KRIT1: variants seen among roughly 807,000 people sequenced by gnomAD.
The protein encoded by KRIT1 is krev interaction trapped protein 1.
In KRIT1, 45 loss-of-function variants were observed where a neutral mutation model predicts 95.8. The observed-to-expected ratio is 0.47, with a 90% CI of 0.37 to 0.60. KRIT1 has a LOEUF of 0.60. Ranked by LOEUF, KRIT1 falls within the 20% of genes least tolerant of loss-of-function variation. The probability of loss-of-function intolerance (pLI) is 0.00; values close to 1 mark genes in which losing one functional copy is unlikely to be tolerated. For synonymous variants in KRIT1, 282 were observed against 278.8 expected (o/e 1.01, Z -0.11); for missense variants, 788 against 877.5 (o/e 0.90, Z 1.29).
At chr7:92,233,125 G>A (rs1269018251) in intron 10 of KRIT1, among the ~76,000 whole-genome samples, 1 of 151,084 alleles carries the variant, frequency 6.6e-6, no homozygotes, top group Non-Finnish European at 1.5e-5. Flanking sequence ...AAATATAAGA[G>A]CATATTTTTA....
chr7:92,210,949 C>T (rs574737795), intron 17 of KRIT1, among the ~76,000 whole-genome samples: 6 of 152,286 alleles, frequency 3.9e-5, no homozygotes, highest in Admixed American at 2.6e-4. Context: ...GAGTAATCAT[C>T]AGGGAAGTTC....
rs749727520 is a variant in KRIT1, at chr7:92,201,287, C to A, written c.2142+20G>T. 1 of 1,123,194 alleles carries A rather than the reference C, an allele frequency of 8.9e-7. No individual in the cohort carries two copies. The highest frequency in any genetic ancestry group is 2.4e-5 in the East Asian group (1 of 42,504). The allele number at this position is 1,123,194 out of a possible 1,614,324, so 69.6% of individuals were successfully genotyped here. On this transcript the variant is annotated intron_variant, in intron 18 of 18. Transcript: ENST00000394505. Reference sequence around the variant, plus strand: ...TTACTAACACAATAGTTTATGAAGTCCAAAATAAATGATACTTACCTGTTT... The same window carrying A: ...TTACTAACACAATAGTTTATGAAGTACAAAATAAATGATACTTACCTGTTT...
chr7:92,225,034 G>A lies in KRIT1; in HGVS notation c.1254+686C>T, dbSNP rs190506926. On this transcript the variant is annotated intron_variant, in intron 12 of 18. Coordinates refer to ENST00000394505, the MANE Select transcript of KRIT1 (RefSeq NM_194454.3). ...TAGCCGGGCGTGGTGGCAGGCGCACGTAATCCCAGCTACTCGGGAGGCTGA... is the reference window on the plus strand; with the variant it reads ...TAGCCGGGCGTGGTGGCAGGCGCACATAATCCCAGCTACTCGGGAGGCTGA... Among the ~76,000 whole-genome samples the A allele has an allele frequency of 8.5e-5, 13 of 152,114 alleles. No individual in the cohort carries two copies. In the East Asian group the frequency reaches 2.5e-3, roughly 30 times the overall value.
At chr7:92,238,020 G>A (rs1450364070) in intron 5 of KRIT1, among the ~76,000 whole-genome samples, 1 of 152,126 alleles carries the variant, frequency 6.6e-6, no homozygotes, top group Non-Finnish European at 1.5e-5. Flanking sequence ...GTTCTGCTAA[G>A]AGCTGAGAAG....
intron 9 of KRIT1, 68 bp from the exon 10 acceptor site, chr7:92,234,660 C>T (rs1194774012): frequency 7.9e-6 from 11 of 1,398,626 alleles, no homozygotes; most frequent in Non-Finnish European, 1.1e-5. Flanking sequence ...AGAAATGTGA[C>T]ACATCTATGA....
chr7:92,223,273 C>CAAAAAAAAAAAA (rs568078150), intron 12 of KRIT1, among the ~76,000 whole-genome samples: 1 of 42,076 alleles, frequency 2.4e-5, no homozygotes. Flanking sequence ...ACTAAAAATA[C>CAAAAAAAAAAAA]AAAAAAAAAA....
At chr7:92,229,617 C>A (rs1796878912) in intron 10 of KRIT1, among the ~76,000 whole-genome samples, 1 of 152,142 alleles carries the variant, frequency 6.6e-6, no homozygotes, top group Non-Finnish European at 1.5e-5. Flanking sequence ...GACATCCTTT[C>A]CCCCTTCCTG....
intron 17 of KRIT1, among the ~76,000 whole-genome samples, chr7:92,212,572 A>G (rs1399432765): frequency 6.6e-6 from 1 of 152,200 alleles, no homozygotes; most frequent in Non-Finnish European, 1.5e-5. Context: ...CTGCCATATG[A>G]GGCTACAAGG....
chr7:92,215,098 C>T (rs899428146), intron 14 of KRIT1, among the ~76,000 whole-genome samples: 11 of 151,764 alleles, frequency 7.2e-5, no homozygotes, highest in Non-Finnish European at 1.6e-4. Context: ...CAAAATATTT[C>T]GCTGATAGGA....
chr7:92,223,273 CA>C lies in KRIT1; in HGVS notation c.1255-296del, dbSNP rs568078150. On this transcript the variant is annotated intron_variant, in intron 12 of 18. Coordinates refer to ENST00000394505, the MANE Select transcript of KRIT1 (RefSeq NM_194454.3). ...TGAAACCCCGTCTCTACTAAAAATA[CA>C]AAAAAAAAAAAAAAAAAAAAATTAG... Among the ~76,000 whole-genome samples the C allele has an allele frequency of 0.02, 833 of 42,112 alleles. 4 individuals carry two copies. The highest frequency in any genetic ancestry group is 0.046 in the African/African-American group (613 of 13,446). 27.6% of individuals were successfully genotyped at this position (42,112 alleles called of 152,430 possible).
chr7:92,233,428 A>G (rs113493485), intron 10 of KRIT1, among the ~76,000 whole-genome samples: 23,113 of 148,344 alleles, frequency 0.16, 2,322 homozygotes, highest in East Asian at 0.38. Flanking sequence ...TTTTTTTTGA[A>G]ATGGAATCTC....
chr7:92,235,500 C>CTATA lies in KRIT1; in HGVS notation c.628_631dup (p.Ser211IlefsTer2). 1 of 1,613,654 alleles carries CTATA rather than the reference C, an allele frequency of 6.2e-7. No individual in the cohort carries two copies. Among genetic ancestry groups the CTATA allele is most frequent in the Non-Finnish European group, 8.5e-7 (1 of 1,179,634 alleles). On this transcript the variant is annotated stop_gained and frameshift_variant, in exon 8 of 19. Transcript: ENST00000394505. LOFTEE classifies it high-confidence loss of function. ...CATTTTACTCTTTATTTCTAGTGCA[C>CTATA]TATAGCCCATATGTAGTGAGTTTTC... is the stretch of plus-strand genomic sequence containing the variant.
intron 3 of KRIT1, among the ~76,000 whole-genome samples, chr7:92,242,906 C>T (rs550175358): frequency 9.2e-5 from 14 of 152,286 alleles, no homozygotes; most frequent in Non-Finnish European, 1.9e-4. Flanking sequence ...CCTCGCCTCC[C>T]GGGTTCAGGC....
intron 10 of KRIT1, among the ~76,000 whole-genome samples, chr7:92,227,420 G>A (rs1319348557): frequency 3.9e-5 from 6 of 151,934 alleles, no homozygotes; most frequent in African/African-American, 9.7e-5. Flanking sequence ...AAAATTAGGC[G>A]GGCATTGTGG....
intron 17 of KRIT1, among the ~76,000 whole-genome samples, chr7:92,211,726 GATC>G (rs1296809070): frequency 2.0e-5 from 3 of 152,046 alleles, no homozygotes; most frequent in Non-Finnish European, 4.4e-5. Flanking sequence ...ACCCTGATTT[GATC>G]ATTACATATT....
At chr7:92,241,582 TTA>T (rs1451976140) in intron 4 of KRIT1, among the ~76,000 whole-genome samples, 15 of 152,216 alleles carry the variant, frequency 9.9e-5, no homozygotes, top group African/African-American at 3.4e-4. Flanking sequence ...ATAGCCTTAA[TTA>T]TATGTTTACT....
In KRIT1 at chr7:92,213,873, T is replaced by C; in HGVS notation, c.1818+19A>G. ...AACTAGCCTATAAAATGTCTTTTCATTTCTATTAAACAGCTTACCTTGTAT... is the reference window on the plus strand; with the variant it reads ...AACTAGCCTATAAAATGTCTTTTCACTTCTATTAAACAGCTTACCTTGTAT... On this transcript the variant is annotated intron_variant, in intron 16 of 18. Coordinates refer to ENST00000394505, the MANE Select transcript of KRIT1 (RefSeq NM_194454.3). The C allele has an allele frequency of 6.9e-7, 1 of 1,458,008 alleles. No individual in the cohort carries two copies. The allele number at this position is 1,458,008 out of a possible 1,614,324, so 90.3% of individuals were successfully genotyped here.
At chr7:92,240,864 G>GT (rs1402455445) in intron 5 of KRIT1, 129 bp downstream of exon 5, 7 of 794,602 alleles carry the variant, frequency 8.8e-6, no homozygotes, top group Non-Finnish European at 1.5e-5. Context: ...AAACACTTGA[G>GT]TTTTTTTGCA....
intron 12 of KRIT1, among the ~76,000 whole-genome samples, chr7:92,224,108 C>T (rs1427674216): frequency 6.6e-6 from 1 of 152,124 alleles, no homozygotes; most frequent in Non-Finnish European, 1.5e-5. Context: ...ATGTGTGTAA[C>T]ATTAAAGGCA....
Sources: allele counts gnomAD v4.1 joint callset (sites outside exome capture counted in the v4.1 genomes callset), GRCh38; gene constraint gnomAD v4.1.1; transcripts MANE v1.5; gene names NCBI Gene and HGNC (gene_info 2026-07-23, HGNC 2026-07-21).